OCA2: variants seen among roughly 807,000 people sequenced by gnomAD.
OCA2 encodes OCA2 melanosomal transmembrane protein.
A neutral mutation model predicts 100.2 loss-of-function variants in OCA2; 77 were observed. That is an observed-to-expected ratio of 0.77 (90% CI 0.64 to 0.93). The LOEUF (loss-of-function observed/expected upper bound fraction) is 0.93. Ranked by LOEUF, OCA2 falls within the 40% of genes least tolerant of loss-of-function variation. The pLI, the probability that OCA2 is intolerant of heterozygous loss-of-function variation, is 0.00. For missense variants in OCA2, 1,062 were observed against 1,089.1 expected, an observed-to-expected ratio of 0.98 and a Z score of 0.35; for synonymous variants, 432 against 439.2, an observed-to-expected ratio of 0.98 and a Z score of 0.21.
intron 21 of OCA2, among the ~76,000 whole-genome samples, chr15:27,852,274 A>G (rs57351732): frequency 0.072 from 10,928 of 152,214 alleles, 778 homozygotes; most frequent in African/African-American, 0.18. Flanking sequence ...AGCTTTCTAC[A>G]TATGGCTAGC....
the OCA2 span, among the ~76,000 whole-genome samples, chr15:27,739,692 C>T: frequency 5.7e-4 from 86 of 152,196 alleles, no homozygotes; most frequent in African/African-American, 1.7e-3. Flanking sequence ...CTGATCCACC[C>T]GCCTTGGCCT....
intron 1 of OCA2, among the ~76,000 whole-genome samples, chr15:28,096,402 G>A (rs1416838996): frequency 6.6e-6 from 1 of 152,206 alleles, no homozygotes; most frequent in African/African-American, 2.4e-5. Flanking sequence ...GGAGCCTGGC[G>A]GTGTCCGCAG....
intron 9 of OCA2, among the ~76,000 whole-genome samples, chr15:27,994,530 G>A (rs1332651008): frequency 6.6e-6 from 1 of 152,108 alleles, no homozygotes; most frequent in Non-Finnish European, 1.5e-5. Flanking sequence ...TCGCCTCACA[G>A]ACCCAGCCAC....
At chr15:28,003,598 G>C (rs910858094) in intron 9 of OCA2, among the ~76,000 whole-genome samples, 1 of 147,850 alleles carries the variant, frequency 6.8e-6, no homozygotes, top group Non-Finnish European at 1.5e-5. Context: ...TGCGGGGAAC[G>C]ACGGGAAAGC....
intron 2 of OCA2, among the ~76,000 whole-genome samples, chr15:28,073,319 C>T (rs113727197): frequency 3.7e-4 from 56 of 152,158 alleles, no homozygotes; most frequent in African/African-American, 1.2e-3. Context: ...GAGGCTGAGG[C>T]GAGGTAATCG....
intron 23 of OCA2, among the ~76,000 whole-genome samples, chr15:27,800,664 T>A (rs920377554): frequency 7.2e-5 from 11 of 152,154 alleles, no homozygotes; most frequent in African/African-American, 2.7e-4. Flanking sequence ...AATAGCCCTG[T>A]TACTATTTAA....
chr15:27,849,772 G>C (rs574315407), intron 22 of OCA2, among the ~76,000 whole-genome samples: 1 of 149,852 alleles, frequency 6.7e-6, no homozygotes, highest in African/African-American at 2.5e-5. Flanking sequence ...TGTCCCTAAT[G>C]CCACTGAACT....
chr15:27,794,753 G>C (rs905191684), intron 23 of OCA2, among the ~76,000 whole-genome samples: 1 of 152,016 alleles, frequency 6.6e-6, no homozygotes, highest in Non-Finnish European at 1.5e-5. Context: ...GTGCATTCTC[G>C]TTGGAATGCC....
intron 18 of OCA2, among the ~76,000 whole-genome samples, chr15:27,943,891 T>C (rs972722474): frequency 1.3e-5 from 2 of 152,124 alleles, no homozygotes; most frequent in African/African-American, 4.8e-5. Context: ...CATGTATTGG[T>C]GAATATCTTC....
At chr15:27,935,813 C>T (rs1431324824) in intron 18 of OCA2, among the ~76,000 whole-genome samples, 1 of 152,216 alleles carries the variant, frequency 6.6e-6, no homozygotes, top group African/African-American at 2.4e-5. Flanking sequence ...GAAACCTTGT[C>T]ATCTTTTATA....
intron 2 of OCA2, among the ~76,000 whole-genome samples, chr15:28,070,391 A>T (rs2044207068): frequency 7.8e-6 from 1 of 127,786 alleles, no homozygotes; most frequent in Non-Finnish European, 1.6e-5. Flanking sequence ...CCCTACTGGG[A>T]AGTGAGGAGC....
At chr15:27,750,469 T>C (rs534598685), downstream of OCA2, among the ~76,000 whole-genome samples, 132 of 152,304 alleles carry the variant, frequency 8.7e-4, 1 homozygote, top group Non-Finnish European at 1.6e-3. Context: ...TTGGTTAATA[T>C]TGGGCATATA....
At chr15:27,816,563 AACAAT>A (rs1323719909) in intron 23 of OCA2, among the ~76,000 whole-genome samples, 8 of 152,084 alleles carry the variant, frequency 5.3e-5, no homozygotes, top group Non-Finnish European at 1.0e-4. Flanking sequence ...GCCACTGGGA[AACAAT>A]AAAGCTGCGT....
the OCA2 span, among the ~76,000 whole-genome samples, chr15:27,738,487 G>A: frequency 1.3e-5 from 2 of 152,156 alleles, no homozygotes; most frequent in East Asian, 1.9e-4. Context: ...TGTAATCCCA[G>A]CATTTTGGGA....
intron 19 of OCA2, among the ~76,000 whole-genome samples, chr15:27,884,559 AG>A (rs2037149012): frequency 1.3e-5 from 2 of 152,144 alleles, no homozygotes; most frequent in Non-Finnish European, 2.9e-5. Flanking sequence ...CTGGCAGAAA[AG>A]CTAGGTGACC....
At chr15:27,877,639 C>A (rs1203614854) in intron 19 of OCA2, among the ~76,000 whole-genome samples, 2 of 151,940 alleles carry the variant, frequency 1.3e-5, no homozygotes. Flanking sequence ...TTATTACCTG[C>A]ATGCTATGTA....
At chr15:28,091,326 A>G (rs2044866809) in intron 1 of OCA2, among the ~76,000 whole-genome samples, 1 of 152,234 alleles carries the variant, frequency 6.6e-6, no homozygotes, top group East Asian at 1.9e-4. Flanking sequence ...TTTTATGAAG[A>G]CAATATTACC....
In OCA2 at chr15:27,952,876, T is replaced by C. The variant is rs186297016; in HGVS notation, c.1843-984A>G. ...TTTTGTATTTTTAGTAGAGATAGGGTTTCACCATGTTGCCCAGGCTGGTGT... is the reference window on the plus strand; with the variant it reads ...TTTTGTATTTTTAGTAGAGATAGGGCTTCACCATGTTGCCCAGGCTGGTGT... On this transcript the variant is annotated intron_variant, in intron 17 of 23. Coordinates refer to ENST00000354638, the MANE Select transcript of OCA2 (RefSeq NM_000275.3). Among the ~76,000 whole-genome samples, 508 of 151,998 alleles carry C rather than the reference T, an allele frequency of 3.3e-3. 5 individuals carry two copies. The highest frequency in any genetic ancestry group is 0.012 in the African/African-American group (495 of 41,448).
Position 28,021,527 on chromosome 15 carries a change from AGT to A in OCA2, c.646+972_646+973del, listed in dbSNP as rs576420997. Among the ~76,000 whole-genome samples, 11 of 152,358 alleles carry A rather than the reference AGT, an allele frequency of 7.2e-5. No individual in the cohort carries two copies. In the East Asian group the frequency reaches 1.9e-3, roughly 27 times the overall value. On this transcript the variant is annotated intron_variant, in intron 6 of 23. Coordinates refer to ENST00000354638, the MANE Select transcript of OCA2 (RefSeq NM_000275.3). ...AAAATGTAGACATTGCTCAAGGTCA[AGT>A]GTGGGCTCGCTTGAGCGTGGGAGCC...
Sources: allele counts gnomAD v4.1 joint callset (sites outside exome capture counted in the v4.1 genomes callset), GRCh38; gene constraint gnomAD v4.1.1; transcripts MANE v1.5; gene names NCBI Gene and HGNC (gene_info 2026-07-23, HGNC 2026-07-21).